The following GGA2 variants were observed in gnomAD, a reference collection of about 807,000 sequenced individuals.
The protein encoded by GGA2 is golgi associated, gamma adaptin ear containing, ARF binding protein 2.
Under a neutral mutation model 79.5 loss-of-function variants are expected in GGA2, and 48 were observed. The observed-to-expected ratio is 0.60, with a 90% CI of 0.48 to 0.77. GGA2 has a LOEUF of 0.77. Ranked by LOEUF, GGA2 falls within the 30% of genes least tolerant of loss-of-function variation. The pLI, the probability that GGA2 is intolerant of heterozygous loss-of-function variation, is 0.00. For missense variants in GGA2, 770 were observed against 774.0 expected, an observed-to-expected ratio of 0.99 and a Z score of 0.06; for synonymous variants, 317 against 302.0, an observed-to-expected ratio of 1.05 and a Z score of -0.51.
intron 1 of GGA2, among the ~76,000 whole-genome samples, chr16:23,507,384 T>C (rs1964984731): frequency 6.6e-6 from 1 of 152,150 alleles, no homozygotes; most frequent in Non-Finnish European, 1.5e-5. Context: ...TCCCAGCACT[T>C]CGGGAGGCCA....
chr16:23,500,276 T>G (rs924187475), intron 1 of GGA2, among the ~76,000 whole-genome samples: 1 of 152,186 alleles, frequency 6.6e-6, no homozygotes, highest in Admixed American at 6.5e-5. Context: ...CTCTGCAGAC[T>G]TGGAAGCAAG....
chr16:23,504,616 A>C (rs920452566), intron 1 of GGA2, among the ~76,000 whole-genome samples: 2 of 152,228 alleles, frequency 1.3e-5, no homozygotes, highest in Non-Finnish European at 2.9e-5. Flanking sequence ...GGGGGCCAGC[A>C]GCTGGGTCTG....
chr16:23,489,666 G>T (rs868558127), intron 5 of GGA2, among the ~76,000 whole-genome samples: 1 of 152,274 alleles, frequency 6.6e-6, no homozygotes, highest in Middle Eastern at 3.4e-3. Flanking sequence ...AACTAAGCTA[G>T]AATTATTTAA....
rs890935751 is a variant in GGA2 at position 23,465,273 on chromosome 16, C to T, written c.*2317G>A. 42 of 697,488 alleles carry T rather than the reference C, an allele frequency of 6.0e-5. No homozygotes were observed. The highest frequency in any genetic ancestry group is 8.1e-5 in the Non-Finnish European group (31 of 382,208). The allele number at this position is 697,488 out of a possible 1,614,324, so 43.2% of individuals were successfully genotyped here. On this transcript the variant is annotated 3_prime_UTR_variant, in exon 17 of 17. Transcript: ENST00000309859. ...ATGCTGGGATTATAGGCGTGAGCCA[C>T]TGTGCACAGCCAATAACTACTTGTT...
chr16:23,513,736 G>T (rs560350893), upstream of GGA2, among the ~76,000 whole-genome samples: 1 of 128,238 alleles, frequency 7.8e-6, no homozygotes, highest in African/African-American at 3.1e-5. Flanking sequence ...AGTGAGCCGA[G>T]ATCACACCAC....
intron 10 of GGA2, chr16:23,480,287 T>G (rs1289246603): frequency 3.3e-6 from 1 of 307,260 alleles, no homozygotes; most frequent in Non-Finnish European, 6.2e-6. Context: ...AGGGACCGCA[T>G]TTCAACCAGT....
chr16:23,504,916 T>C (rs1964957749), intron 1 of GGA2, among the ~76,000 whole-genome samples: 1 of 152,188 alleles, frequency 6.6e-6, no homozygotes, highest in Non-Finnish European at 1.5e-5. Context: ...GACCTCCGGC[T>C]GTGAGTGAAA....
chr16:23,473,562 A>C (rs1181118154), intron 14 of GGA2, among the ~76,000 whole-genome samples: 3 of 151,950 alleles, frequency 2.0e-5, no homozygotes, highest in Non-Finnish European at 4.4e-5. Flanking sequence ...TCCTGACCTC[A>C]AGTGATCTGC....
At position 23,474,895 on chromosome 16, in the gene GGA2, T is replaced by C; in HGVS notation, c.1450+9A>G. 2 of 1,598,344 alleles carry C rather than the reference T, an allele frequency of 1.3e-6. No homozygotes were observed. The highest frequency in any genetic ancestry group is 1.1e-5 in the South Asian group (1 of 90,608). ...AAAAAAAAAAGGTGGGGAGTGAAAT[T>C]GTACTTACTGGGCTTAACAGACTCC... On this transcript the variant is annotated intron_variant, in intron 14 of 16. Coordinates refer to ENST00000309859, the MANE Select transcript of GGA2 (RefSeq NM_015044.4).
chr16:23,473,956 C>G (rs976525249), intron 14 of GGA2, among the ~76,000 whole-genome samples: 17 of 152,180 alleles, frequency 1.1e-4, no homozygotes, highest in Admixed American at 9.2e-4. Context: ...GCAATCTAAC[C>G]TCACCACAAA....
chr16:23,509,512 G>A (rs1349972381), intron 1 of GGA2, among the ~76,000 whole-genome samples: 1 of 152,114 alleles, frequency 6.6e-6, no homozygotes, highest in Non-Finnish European at 1.5e-5. Flanking sequence ...GGTGAGCAAG[G>A]ACCCTGTGTT....
In GGA2 at chr16:23,464,675, G is replaced by C. The variant is rs955743400; in HGVS notation, c.*2915C>G. 4 of 152,424 alleles carry C rather than the reference G, an allele frequency of 2.6e-5. No homozygotes were observed. The highest frequency in any genetic ancestry group is 2.6e-4 in the Admixed American group (4 of 15,296). The allele number at this position is 152,424 out of a possible 1,614,324, so 9.4% of individuals were successfully genotyped here. A position where few individuals can be genotyped will look rare whatever the true frequency, so the allele number is the denominator to read the frequency against. On this transcript the variant is annotated 3_prime_UTR_variant, in exon 17 of 17. Coordinates refer to ENST00000309859, the MANE Select transcript of GGA2 (RefSeq NM_015044.4). Reference sequence around the variant, plus strand: ...TACTCTGCGGATACAGACGAAGCAGGAATCAGGGACCCAATAAGTCTCAGG... The same window carrying C: ...TACTCTGCGGATACAGACGAAGCAGCAATCAGGGACCCAATAAGTCTCAGG...
At chr16:23,469,883 C>G in intron 15 of GGA2, 113 bp downstream of exon 15, 1 of 750,094 alleles carries the variant, frequency 1.3e-6, no homozygotes, top group Non-Finnish European at 2.1e-6. Context: ...ACTTTATCTT[C>G]AGTTAGTTTG....
At chr16:23,471,687 G>A (rs1399372820) in intron 14 of GGA2, among the ~76,000 whole-genome samples, 1 of 152,078 alleles carries the variant, frequency 6.6e-6, no homozygotes, top group Non-Finnish European at 1.5e-5. Context: ...ACTGCTTGAG[G>A]TCAGGAGTTC....
intron 1 of GGA2, among the ~76,000 whole-genome samples, chr16:23,509,759 C>T (rs975078177): frequency 6.1e-5 from 9 of 148,252 alleles, no homozygotes; most frequent in Non-Finnish European, 1.5e-5. Flanking sequence ...TATATATATA[C>T]GCACACACAC....
At chr16:23,513,340 G>A (rs1182501962), upstream of GGA2, among the ~76,000 whole-genome samples, 1 of 152,068 alleles carries the variant, frequency 6.6e-6, no homozygotes, top group African/African-American at 2.4e-5. Flanking sequence ...CCTCCTGCCC[G>A]TCTTTCTTCT....
chr16:23,493,037 T>C (rs544633696), intron 4 of GGA2, among the ~76,000 whole-genome samples: 8 of 152,212 alleles, frequency 5.3e-5, no homozygotes, highest in East Asian at 3.9e-4. Context: ...CAGGAGGTGA[T>C]AGGAAACTTT....
At chr16:23,497,696 T>C (rs1290184847) in intron 1 of GGA2, among the ~76,000 whole-genome samples, 4 of 152,214 alleles carry the variant, frequency 2.6e-5, no homozygotes, top group Non-Finnish European at 4.4e-5. Flanking sequence ...GACCTTTTTA[T>C]CTCCCGTCCC....
At chr16:23,506,002 T>C (rs912144635) in intron 1 of GGA2, among the ~76,000 whole-genome samples, 1 of 152,180 alleles carries the variant, frequency 6.6e-6, no homozygotes, top group Non-Finnish European at 1.5e-5. Context: ...ATGATAATAA[T>C]AGCTAGCGCT....
Sources: allele counts gnomAD v4.1 joint callset (sites outside exome capture counted in the v4.1 genomes callset), GRCh38; gene constraint gnomAD v4.1.1; transcripts MANE v1.5; gene names NCBI Gene and HGNC (gene_info 2026-07-23, HGNC 2026-07-21).